The following GFOD1 variants were observed in gnomAD, a reference collection of about 807,000 sequenced individuals.
GFOD1 encodes Gfo/Idh/MocA-like oxidoreductase domain containing 1.
Under a neutral mutation model 25.4 loss-of-function variants are expected in GFOD1, and 9 were observed. The observed-to-expected ratio is 0.35, with a 90% CI of 0.21 to 0.62. The LOEUF is 0.62. Ranked by LOEUF, GFOD1 falls within the 20% of genes least tolerant of loss-of-function variation. The pLI is 0.72. For missense variants in GFOD1, 403 were observed against 556.9 expected, an observed-to-expected ratio of 0.72 and a Z score of 2.78; for synonymous variants, 253 against 245.6, an observed-to-expected ratio of 1.03 and a Z score of -0.28.
intron 1 of GFOD1, among the ~76,000 whole-genome samples, chr6:13,379,530 C>T (rs998875989): frequency 3.3e-5 from 5 of 152,118 alleles, no homozygotes; most frequent in African/African-American, 7.2e-5. Flanking sequence ...AGCACCAGCA[C>T]CACTGCAAGC....
At chr6:13,425,509 C>T (rs1294325585) in intron 1 of GFOD1, among the ~76,000 whole-genome samples, 1 of 152,148 alleles carries the variant, frequency 6.6e-6, no homozygotes, top group Admixed American at 6.5e-5. Flanking sequence ...TGGGAAACAG[C>T]TCAAAAATCT....
At position 13,451,421 on chromosome 6, in the gene GFOD1, C is replaced by T. The variant is rs529776387; in HGVS notation, c.253+35217G>A. ...AGGCCTGGTGAGGTCAGGGAGCCATCGCCAGCAGTTCAGTCATGATGTACG... is the reference window on the plus strand; with the variant it reads ...AGGCCTGGTGAGGTCAGGGAGCCATTGCCAGCAGTTCAGTCATGATGTACG... On this transcript the variant is annotated intron_variant, in intron 1 of 1. Coordinates refer to ENST00000379287, the MANE Select transcript of GFOD1 (RefSeq NM_018988.4). Among the ~76,000 whole-genome samples the T allele has an allele frequency of 6.6e-5, 10 of 152,284 alleles. No individual in the cohort carries two copies. In the South Asian group the frequency reaches 2.1e-3, roughly 32 times the overall value.
At chr6:13,464,861 CGTGTGTGTGTGTGTGT>C (rs36218477) in intron 1 of GFOD1, among the ~76,000 whole-genome samples, 91,926 of 146,766 alleles carry the variant, frequency 0.63, 32,902 homozygotes, top group Non-Finnish European at 0.8. Flanking sequence ...TTCCTCTTTC[CGTGTGTGTGTGTGTGT>C]GTGTGTGTGT....
At position 13,435,150 on chromosome 6, in the gene GFOD1, C is replaced by T. The variant is rs74539738; in HGVS notation, c.253+51488G>A. Reference sequence around the variant, plus strand: ...CAACTGCCGTCTCTATTTACCTACCCGGGAACAGAGTGCTAATAAAGAAAC... The same window carrying T: ...CAACTGCCGTCTCTATTTACCTACCTGGGAACAGAGTGCTAATAAAGAAAC... On this transcript the variant is annotated intron_variant, in intron 1 of 1. Coordinates refer to ENST00000379287, the MANE Select transcript of GFOD1 (RefSeq NM_018988.4). Among the ~76,000 whole-genome samples, 114 of 152,290 alleles carry T rather than the reference C, an allele frequency of 7.5e-4. 4 individuals are homozygous for T. In the East Asian group the frequency reaches 0.019, roughly 25 times the overall value.
At chr6:13,453,125 A>C (rs1033336800) in intron 1 of GFOD1, among the ~76,000 whole-genome samples, 2 of 152,234 alleles carry the variant, frequency 1.3e-5, no homozygotes, top group Non-Finnish European at 2.9e-5. Flanking sequence ...GAAAGAATTC[A>C]ATTTTCAAAG....
At chr6:13,459,119 T>C (rs1156491604) in intron 1 of GFOD1, among the ~76,000 whole-genome samples, 1 of 152,140 alleles carries the variant, frequency 6.6e-6, no homozygotes. Context: ...TTAATGCTGC[T>C]ATCAAAAGAG....
chr6:13,417,552 T>G (rs1189705663), intron 1 of GFOD1, among the ~76,000 whole-genome samples: 3 of 152,186 alleles, frequency 2.0e-5, no homozygotes, highest in Admixed American at 6.5e-5. Context: ...AACCAGAGAA[T>G]TAACCTAGAG....
At chr6:13,425,344 A>C in intron 1 of GFOD1, among the ~76,000 whole-genome samples, 1 of 152,092 alleles carries the variant, frequency 6.6e-6, no homozygotes, top group East Asian at 1.9e-4. Context: ...GAGATCGGAA[A>C]GATTAAGTCA....
rs987106618 is a variant in GFOD1 at position 13,433,119 on chromosome 6, T to C, written c.253+53519A>G. 1.1e-3 allele frequency among the ~76,000 whole-genome samples: 90 copies of C among 84,352 alleles called. 1 individual carries two copies. Among genetic ancestry groups the C allele is most frequent in the African/African-American group, 3.2e-3 (87 of 26,818 alleles). The allele number at this position is 84,352 out of a possible 152,430, so 55.3% of individuals were successfully genotyped here. On this transcript the variant is annotated intron_variant, in intron 1 of 1. Coordinates refer to ENST00000379287, the MANE Select transcript of GFOD1 (RefSeq NM_018988.4). ...TGACTGACATTTTGTGCTGGGTCCCTTTTTTTTTTTTTTTTTTGAGATGGA... is the reference window on the plus strand; with the variant it reads ...TGACTGACATTTTGTGCTGGGTCCCCTTTTTTTTTTTTTTTTTGAGATGGA...
chr6:13,445,877 C>G (rs768149089), intron 1 of GFOD1, among the ~76,000 whole-genome samples: 1 of 152,210 alleles, frequency 6.6e-6, no homozygotes, highest in African/African-American at 2.4e-5. Flanking sequence ...CTACACCTCT[C>G]AGGTGGACGC....
intron 1 of GFOD1, among the ~76,000 whole-genome samples, chr6:13,413,461 A>G (rs1402400926): frequency 6.6e-6 from 1 of 152,218 alleles, no homozygotes; most frequent in East Asian, 1.9e-4. Flanking sequence ...GGTCCGATCC[A>G]AGAAAAACCA....
chr6:13,398,986 G>C (rs1470825019), intron 1 of GFOD1, among the ~76,000 whole-genome samples: 1 of 152,222 alleles, frequency 6.6e-6, no homozygotes, highest in Non-Finnish European at 1.5e-5. Flanking sequence ...AGCTAGACAA[G>C]CACTTTACTA....
At chr6:13,449,434 G>A (rs1281239329) in intron 1 of GFOD1, among the ~76,000 whole-genome samples, 1 of 152,144 alleles carries the variant, frequency 6.6e-6, no homozygotes, top group Non-Finnish European at 1.5e-5. Flanking sequence ...TGCCTTCACA[G>A]AACAGAACTC....
At chr6:13,373,740 C>CAACACACT (rs1200425112) in intron 1 of GFOD1, among the ~76,000 whole-genome samples, 2 of 110,386 alleles carry the variant, frequency 1.8e-5, no homozygotes, top group East Asian at 4.6e-4. Context: ...CCTGCTCCCC[C>CAACACACT]AACACACACA....
intron 1 of GFOD1, among the ~76,000 whole-genome samples, chr6:13,381,110 G>T (rs1344481665): frequency 1.3e-5 from 2 of 152,206 alleles, no homozygotes; most frequent in Non-Finnish European, 2.9e-5. Context: ...ACTCCTGGGG[G>T]TGGAGAGCAG....
At chr6:13,434,447 C>A (rs867788474) in intron 1 of GFOD1, among the ~76,000 whole-genome samples, 11 of 125,690 alleles carry the variant, frequency 8.8e-5, no homozygotes, top group East Asian at 5.1e-4. Flanking sequence ...AGTGCAGGGC[C>A]TTATGGGAAC....
chr6:13,391,011 C>T (rs1191761597), intron 1 of GFOD1, among the ~76,000 whole-genome samples: 1 of 152,122 alleles, frequency 6.6e-6, no homozygotes, highest in Admixed American at 6.5e-5. Flanking sequence ...CCCCTACTGG[C>T]CCAGCGCAAA....
intron 1 of GFOD1, among the ~76,000 whole-genome samples, chr6:13,406,012 T>G (rs997192858): frequency 5.9e-5 from 9 of 152,174 alleles, no homozygotes; most frequent in Admixed American, 2.6e-4. Flanking sequence ...CCCCAACTTC[T>G]GAGGCAGCAT....
rs149873222 is a variant in GFOD1 at position 13,361,233 on chromosome 6, T to C, written c.*3510A>G. 311 of 208,754 alleles carry C rather than the reference T, an allele frequency of 1.5e-3. 2 individuals carry two copies. The highest frequency in any genetic ancestry group is 6.6e-3 in the African/African-American group (284 of 42,760). 12.9% of individuals were successfully genotyped at this position (208,754 alleles called of 1,614,324 possible). On this transcript the variant is annotated 3_prime_UTR_variant, in exon 2 of 2. Coordinates refer to ENST00000379287, the MANE Select transcript of GFOD1 (RefSeq NM_018988.4). ...AATTGTCTGTTGAGAGGAGAAGTCT[T>C]GGAGGAGCTGACAGTGATCACAGAT...
Sources: allele counts gnomAD v4.1 joint callset (sites outside exome capture counted in the v4.1 genomes callset), GRCh38; gene constraint gnomAD v4.1.1; transcripts MANE v1.5; gene names NCBI Gene and HGNC (gene_info 2026-07-23, HGNC 2026-07-21).